Variants in CCDC59 observed in about 807,000 individuals in gnomAD.
The protein encoded by CCDC59 is coiled-coil domain containing 59.
Under a neutral mutation model 30.5 loss-of-function variants are expected in CCDC59, and 27 were observed. The observed-to-expected ratio is 0.89, with a 90% CI of 0.65 to 1.22. The LOEUF (loss-of-function observed/expected upper bound fraction) is 1.22, where lower values mean the gene tolerates loss of function less well. CCDC59 is among the 50% of genes most tolerant of loss of function. CCDC59 has a pLI of 0.00. For missense variants in CCDC59, 362 were observed against 284.4 expected, an observed-to-expected ratio of 1.27 and a Z score of -1.96; for synonymous variants, 125 against 100.9, an observed-to-expected ratio of 1.24 and a Z score of -1.43.
chr12:82,357,321 G>A (rs10506870), intron 1 of CCDC59, 52 bp from the exon 2 acceptor site: 63,619 of 1,438,244 alleles, frequency 0.044, 1,699 homozygotes, highest in Non-Finnish European at 0.054. Flanking sequence ...GAAGTTGAAC[G>A]AAGAATGGAG....
At chr12:82,354,845 CTTG>C (rs1219030352) in intron 2 of CCDC59, 2 of 267,234 alleles carry the variant, frequency 7.5e-6, no homozygotes, top group Non-Finnish European at 1.4e-5. Flanking sequence ...AAGAATTAAA[CTTG>C]TTGTTTAAGG....
rs374508941 is a variant in CCDC59 at position 82,358,233 on chromosome 12, G to A, written c.144C>T (p.Ser48=). ...TGCCTTCTTACATACCCTCGCGAACGCTCCCCACGAAGGCTTGCGGGTGGT... is the reference window on the plus strand; with the variant it reads ...TGCCTTCTTACATACCCTCGCGAACACTCCCCACGAAGGCTTGCGGGTGGT... ...RPNHPQAFVG[S]VREGQGFAFR... Residue 48 remains serine (S), a synonymous_variant, in exon 1 of 4, where the codon AGC becomes AGT. Coordinates refer to ENST00000256151, the MANE Select transcript of CCDC59 (RefSeq NM_014167.5). 107 of 1,614,026 alleles carry A rather than the reference G, an allele frequency of 6.6e-5. No homozygotes were observed. Among genetic ancestry groups the A allele is most frequent in the Middle Eastern group, 6.6e-4 (4 of 6,084 alleles).
At chr12:82,353,527 GC>G (rs1226358171) in intron 3 of CCDC59, among the ~76,000 whole-genome samples, 1 of 152,056 alleles carries the variant, frequency 6.6e-6, no homozygotes, top group Non-Finnish European at 1.5e-5. Flanking sequence ...TGATCACAAA[GC>G]CCCAGCTCTA....
At chr12:82,357,790 T>A (rs971683961) in intron 1 of CCDC59, among the ~76,000 whole-genome samples, 12 of 152,332 alleles carry the variant, frequency 7.9e-5, no homozygotes, top group African/African-American at 2.9e-4. Flanking sequence ...CTAAGAGACC[T>A]TACAGACAGC....
chr12:82,358,308 G>A lies in CCDC59; in HGVS notation c.69C>T (p.Ser23=). Residue 23 remains serine, a synonymous_variant, in exon 1 of 4, where the codon TCC becomes TCT. Coordinates refer to ENST00000256151, the MANE Select transcript of CCDC59 (RefSeq NM_014167.5). ...GGIEARGEGV[S]TVGYRNKNVR... is the part of the protein sequence containing the mutation. ...CATTCTTATTCCTGTACCCGACAGT[G>A]GAAACCCCTTCACCACGCGCCTCAA... The A allele has an allele frequency of 1.2e-6, 2 of 1,614,132 alleles. No homozygotes were observed. The highest frequency in any genetic ancestry group is 1.7e-6 in the Non-Finnish European group (2 of 1,180,032).
chr12:82,353,880 T>C (rs1365993337), intron 3 of CCDC59, among the ~76,000 whole-genome samples: 1 of 152,106 alleles, frequency 6.6e-6, no homozygotes, highest in Non-Finnish European at 1.5e-5. Context: ...AAACAAGAAC[T>C]ACCACAGTTA....
upstream of CCDC59, chr12:82,358,723 T>G (rs1417408951): frequency 1.9e-6 from 3 of 1,613,956 alleles, no homozygotes; most frequent in African/African-American, 2.7e-5. Flanking sequence ...CTGGTCGACT[T>G]GCCACCGGAG....
chr12:82,357,176 G>T lies in CCDC59; in HGVS notation c.248C>A (p.Ser83Tyr). 6.2e-7 allele frequency: 1 copy of T among 1,614,020 alleles called. No individual in the cohort carries two copies. The highest frequency in any genetic ancestry group is 8.5e-7 in the Non-Finnish European group (1 of 1,179,896). The change falls in exon 2 of 4, where the codon TCT becomes TAT. Residue 83 changes from serine (S) to tyrosine (Y), a missense_variant. Ser to Tyr is a moderately radical substitution (Grantham distance 144). Transcript: ENST00000256151. ...KEKKAQTSLE[S>Y]QFTDRYPDNL... is the part of the protein sequence containing the mutation. ...ATCTGGGTATCGATCTGTGAATTGAGATTCCAGTGACGTTTGAGCCTTCTT... is the reference window on the plus strand; with the variant it reads ...ATCTGGGTATCGATCTGTGAATTGATATTCCAGTGACGTTTGAGCCTTCTT...
intron 2 of CCDC59, chr12:82,355,783 C>T (rs1238842933): frequency 6.6e-6 from 1 of 152,196 alleles, no homozygotes; most frequent in Admixed American, 6.5e-5. Context: ...GTGGACTGAG[C>T]TGTCACTGTA....
chr12:82,355,912 T>C (rs905515912), intron 2 of CCDC59: 5 of 152,226 alleles, frequency 3.3e-5, no homozygotes, highest in African/African-American at 1.2e-4. Context: ...TTTCTCATGA[T>C]TTAAACTTCC....
At chr12:82,356,270 G>C (rs993840367) in intron 2 of CCDC59, 2 of 152,144 alleles carry the variant, frequency 1.3e-5, no homozygotes, top group African/African-American at 4.8e-5. Context: ...AAACCAAAGC[G>C]TCACGGAGCT....
In CCDC59 at chr12:82,357,234, G is replaced by T; in HGVS notation, c.190C>A (p.Gln64Lys). The T allele has an allele frequency of 6.2e-7, 1 of 1,613,608 alleles. No homozygotes were observed. Among genetic ancestry groups the T allele is most frequent in the South Asian group, 1.1e-5 (1 of 91,068 alleles). ...CGTAGCAATTTCTTGTAACTTTGCT[G>T]TATTTTCAGTTTTCTTCGAAAAGCA... ...GFAFRRKLKI[Q>K]QSYKKLLRKE... Residue 64 changes from glutamine to lysine, a missense_variant, in exon 2 of 4, where the codon CAG becomes AAG. Physicochemically the swap from Gln to Lys is moderately conservative, Grantham distance 53 (BLOSUM62 1). Coordinates refer to ENST00000256151, the MANE Select transcript of CCDC59 (RefSeq NM_014167.5).
chr12:82,353,891 C>A (rs752163052), intron 3 of CCDC59, among the ~76,000 whole-genome samples: 2 of 152,018 alleles, frequency 1.3e-5, no homozygotes, highest in Non-Finnish European at 2.9e-5. Context: ...ACCACAGTTA[C>A]AACAAAATGA....
Position 82,358,356 on chromosome 12 carries a change from G to T in CCDC59, c.21C>A (p.Ser7=), listed in dbSNP as rs758479630. 9.9e-6 allele frequency: 16 copies of T among 1,613,672 alleles called. No individual in the cohort carries two copies. The African/African-American group carries it at 1.2e-4, about 12-fold the overall frequency. Reference sequence around the variant, plus strand: ...CAATACCACCAGGCCGCCACTTCGCGGACCGCCTCACCGGCGCCATTGCAG... The same window carrying T: ...CAATACCACCAGGCCGCCACTTCGCTGACCGCCTCACCGGCGCCATTGCAG... MAPVRR[S]AKWRPGGIEA... is the part of the protein sequence containing the mutation. The change falls in exon 1 of 4, where the codon TCC becomes TCA. Residue 7 remains serine (S), a synonymous_variant. Transcript: ENST00000256151.
intron 2 of CCDC59, among the ~76,000 whole-genome samples, chr12:82,356,330 T>C (rs762126217): frequency 5.3e-5 from 8 of 152,216 alleles, no homozygotes; most frequent in Non-Finnish European, 1.2e-4. Context: ...AAAATCCAGA[T>C]TAATAGTAGT....
At chr12:82,355,388 C>T (rs1260873707) in intron 2 of CCDC59, 2 of 152,010 alleles carry the variant, frequency 1.3e-5, no homozygotes, top group African/African-American at 2.4e-5. Context: ...TTGTACACCA[C>T]ACTGAGTGTT....
Position 82,354,397 on chromosome 12 carries a change from A to C in CCDC59, c.564+98T>G, listed in dbSNP as rs566858842. On this transcript the variant is annotated intron_variant, in intron 3 of 3. Coordinates refer to ENST00000256151, the MANE Select transcript of CCDC59 (RefSeq NM_014167.5). ...CATTCAACAAATATTTACAGAGAGA[A>C]TACTGTGTGCCCAGCACCAAGAAGC... 4 of 841,076 alleles carry C rather than the reference A, an allele frequency of 4.8e-6. No individual in the cohort carries two copies. In the East Asian group the frequency reaches 1.2e-4, roughly 25 times the overall value. The allele number at this position is 841,076 out of a possible 1,614,324, so 52.1% of individuals were successfully genotyped here.
rs776243791 is a variant in CCDC59 at position 82,358,274 on chromosome 12, T to G, written c.103A>C (p.Lys35Gln). The G allele has an allele frequency of 1.3e-5, 21 of 1,614,152 alleles. No homozygotes were observed. The South Asian group carries it at 2.3e-4, about 18-fold the overall frequency. ...VGYRNKNVRQ[K>Q]TWRPNHPQAF... The stretch of plus-strand genomic sequence containing the variant: ...TGCGGGTGGTTAGGCCGCCATGTCT[T>G]CTGTCTCACATTCTTATTCCTGTAC... Residue 35 changes from lysine to glutamine, a missense_variant, in exon 1 of 4, where the codon AAG (lysine) becomes CAG (glutamine). Coordinates refer to ENST00000256151, the MANE Select transcript of CCDC59 (RefSeq NM_014167.5).
intron 2 of CCDC59, chr12:82,355,887 G>C (rs1045438045): frequency 3.9e-5 from 6 of 152,104 alleles, no homozygotes; most frequent in African/African-American, 1.4e-4. Context: ...TTAAAAGCAT[G>C]ATTTTTTACC....
Sources: gnomAD v4.1 joint callset for allele counts (sites outside exome capture counted in the v4.1 genomes callset) on GRCh38, gnomAD v4.1.1 for gene constraint, MANE v1.5 for transcripts, NCBI Gene and HGNC (gene_info 2026-07-23, HGNC 2026-07-21) for gene names.